The following AGAP1 variants were observed in gnomAD, a reference collection of about 807,000 sequenced individuals.
The protein encoded by AGAP1 is ArfGAP with GTPase domain, ankyrin repeat and PH domain 1.
Under a neutral mutation model 105.3 loss-of-function variants are expected in AGAP1, and 29 were observed. That is an observed-to-expected ratio of 0.28 (90% confidence interval 0.21 to 0.38). AGAP1 has a LOEUF of 0.38. Ranked by LOEUF, AGAP1 falls within the 10% of genes least tolerant of loss-of-function variation. The pLI is 1.00. For missense variants in AGAP1, 998 were observed against 1,165.1 expected (o/e 0.86, Z 2.09); for synonymous variants, 509 against 485.9 (o/e 1.05, Z -0.63).
At chr2:235,829,985 G>C (rs1959202585) in intron 9 of AGAP1, among the ~76,000 whole-genome samples, 1 of 152,172 alleles carries the variant, frequency 6.6e-6, no homozygotes, top group African/African-American at 2.4e-5. Context: ...AAGGAAGACT[G>C]GGGGCACATG....
rs1269389818 is a variant in AGAP1 at position 236,095,512 on chromosome 2, CT to C, written c.2115-24679del. Among the ~76,000 whole-genome samples, 1 of 151,324 alleles carries C rather than the reference CT, an allele frequency of 6.6e-6. No individual in the cohort carries two copies. Among genetic ancestry groups the C allele is most frequent in the Non-Finnish European group, 1.5e-5 (1 of 67,936 alleles). ...TGGGCAACATAGTGAGATGCCATCT[CT>C]ATAAAATAAAAAAAGATTAAAAAAT... On this transcript the variant is annotated intron_variant, in intron 16 of 17. Coordinates refer to ENST00000304032, the MANE Select transcript of AGAP1 (RefSeq NM_001037131.3). This position sits in a 1 kb window ranked among gnomAD's most constrained non-coding sequence, Gnocchi z 4.1.
At chr2:235,938,409 G>C (rs182564005) in intron 12 of AGAP1, among the ~76,000 whole-genome samples, 5 of 152,352 alleles carry the variant, frequency 3.3e-5, no homozygotes, top group Non-Finnish European at 7.3e-5. Flanking sequence ...GTGTCCCCCT[G>C]CTGCGCGTAT....
chr2:235,797,161 G>A (rs1363693895), intron 6 of AGAP1, among the ~76,000 whole-genome samples: 1 of 152,066 alleles, frequency 6.6e-6, no homozygotes, highest in East Asian at 1.9e-4. Context: ...TCTTTCCAAG[G>A]GGTTTGGTTA....
intron 1 of AGAP1, among the ~76,000 whole-genome samples, chr2:235,651,703 G>A (rs549098697): frequency 2.4e-4 from 36 of 152,298 alleles, no homozygotes; most frequent in African/African-American, 8.4e-4. Context: ...GGTGGGAAGG[G>A]AAACCTTTTT....
At chr2:235,826,160 C>T (rs1381738069) in intron 9 of AGAP1, among the ~76,000 whole-genome samples, 5 of 152,216 alleles carry the variant, frequency 3.3e-5, no homozygotes, top group Non-Finnish European at 5.9e-5. Flanking sequence ...AAGGAACACA[C>T]CGTTTGCTTA....
At chr2:235,854,345 C>A (rs1411029624) in intron 9 of AGAP1, among the ~76,000 whole-genome samples, 1 of 152,228 alleles carries the variant, frequency 6.6e-6, no homozygotes, top group African/African-American at 2.4e-5. Flanking sequence ...GTCCTGTTGG[C>A]TCCCTATGGG....
intron 11 of AGAP1, among the ~76,000 whole-genome samples, chr2:235,916,671 G>A (rs550188457): frequency 1.9e-3 from 293 of 152,324 alleles, no homozygotes; most frequent in African/African-American, 6.3e-3. Context: ...GTTCTATGGA[G>A]AAGAACACAC....
At position 235,931,315 on chromosome 2, in the gene AGAP1, G is replaced by A. The variant is rs1313551363; in HGVS notation, c.1483+392G>A. On this transcript the variant is annotated intron_variant, in intron 12 of 17. Transcript: ENST00000304032. This position sits in a 1 kb window ranked among gnomAD's most constrained non-coding sequence, Gnocchi z 5.6. ...CGTGGCCCACACTCTTCCACCACTAGTGCACATTTTATATCATTAGGGTGA... is the reference window on the plus strand; with the variant it reads ...CGTGGCCCACACTCTTCCACCACTAATGCACATTTTATATCATTAGGGTGA... Among the ~76,000 whole-genome samples the A allele has an allele frequency of 6.6e-6, 1 of 152,142 alleles. No individual in the cohort carries two copies. The highest frequency in any genetic ancestry group is 1.9e-4 in the East Asian group (1 of 5,170).
rs1374308288 is a variant in AGAP1 at position 235,965,068 on chromosome 2, C to T, written c.1484-3394C>T. 1.3e-5 allele frequency among the ~76,000 whole-genome samples: 2 copies of T among 152,220 alleles called. No homozygotes were observed. The highest frequency in any genetic ancestry group is 4.8e-5 in the African/African-American group (2 of 41,456). On this transcript the variant is annotated intron_variant, in intron 12 of 17. Transcript: ENST00000304032. This position sits in a 1 kb window ranked among gnomAD's most constrained non-coding sequence, Gnocchi z 5.8. ...GGTCTCAGGACTGCTGGCTACACCT[C>T]GGGTACAGTTAACCAAGGAGGTTTA...
rs1949613839 is a variant in AGAP1 at position 235,689,112 on chromosome 2, GA to G, written c.164-20064del. Among the ~76,000 whole-genome samples the G allele has an allele frequency of 6.6e-6, 1 of 152,240 alleles. No homozygotes were observed. The highest frequency in any genetic ancestry group is 1.5e-5 in the Non-Finnish European group (1 of 68,044). ...GTATACGTATTTATAGAGCAATGAA[GA>G]AATAAGCCCAAGGCTATCCCATGAG... On this transcript the variant is annotated intron_variant, in intron 1 of 17. Coordinates refer to ENST00000304032, the MANE Select transcript of AGAP1 (RefSeq NM_001037131.3). The surrounding 1 kb of genome is among the most constrained non-coding windows in gnomAD (Gnocchi z 4.2).
chr2:235,899,808 C>T (rs996423697), intron 10 of AGAP1, among the ~76,000 whole-genome samples: 3 of 152,130 alleles, frequency 2.0e-5, no homozygotes, highest in Admixed American at 2.0e-4. Flanking sequence ...ATGCATCGTA[C>T]AGGCTAGGTT....
chr2:235,798,320 C>A lies in AGAP1; in HGVS notation c.801+434C>A, dbSNP rs570015753. On this transcript the variant is annotated intron_variant, in intron 7 of 17. Transcript: ENST00000304032. ...GGTCCCATAGAAACTGCTATCTTTCCATAACAACATTTTGCAAAAGTATTT... is the reference window on the plus strand; with the variant it reads ...GGTCCCATAGAAACTGCTATCTTTCAATAACAACATTTTGCAAAAGTATTT... 1.4e-3 allele frequency among the ~76,000 whole-genome samples: 216 copies of A among 152,278 alleles called. 1 individual carries two copies. Among genetic ancestry groups the A allele is most frequent in the African/African-American group, 5.1e-3 (213 of 41,558 alleles).
intron 13 of AGAP1, among the ~76,000 whole-genome samples, chr2:235,990,778 C>T (rs942733046): frequency 2.5e-4 from 38 of 152,138 alleles, no homozygotes; most frequent in African/African-American, 9.2e-4. Flanking sequence ...TCTAGAAGAG[C>T]ATGTGGACTA....
intron 1 of AGAP1, among the ~76,000 whole-genome samples, chr2:235,498,268 TC>T (rs113464501): frequency 9.2e-5 from 14 of 152,220 alleles, no homozygotes; most frequent in East Asian, 1.9e-4. Flanking sequence ...ACAGTTTTTT[TC>T]CCCCAATTTT....
intron 1 of AGAP1, among the ~76,000 whole-genome samples, chr2:235,644,096 G>A (rs1430224679): frequency 6.6e-6 from 1 of 152,216 alleles, no homozygotes; most frequent in Non-Finnish European, 1.5e-5. Context: ...GAAGCAGGGA[G>A]CAGTGGGAGC....
chr2:235,971,763 T>G lies in AGAP1; in HGVS notation c.1645+3140T>G, dbSNP rs1037564221. On this transcript the variant is annotated intron_variant, in intron 13 of 17. Coordinates refer to ENST00000304032, the MANE Select transcript of AGAP1 (RefSeq NM_001037131.3). The surrounding 1 kb of genome is among the most constrained non-coding windows in gnomAD (Gnocchi z 4.8). ...TTATTTTATTTATTTATTTATTTAT[T>G]TATTTATTTATTTATTTATTTATTG... Among the ~76,000 whole-genome samples, 5 of 149,586 alleles carry G rather than the reference T, an allele frequency of 3.3e-5. No individual in the cohort carries two copies. Among genetic ancestry groups the G allele is most frequent in the Non-Finnish European group, 7.4e-5 (5 of 67,554 alleles).
At chr2:235,503,071 T>C (rs1465800746) in intron 1 of AGAP1, among the ~76,000 whole-genome samples, 16 of 152,214 alleles carry the variant, frequency 1.1e-4, no homozygotes, top group Admixed American at 1.0e-3. Context: ...AGACCTACCC[T>C]TTTTTCAGGA....
chr2:235,823,543 G>A (rs1202868892), intron 9 of AGAP1, among the ~76,000 whole-genome samples: 1 of 152,170 alleles, frequency 6.6e-6, no homozygotes, highest in African/African-American at 2.4e-5. Flanking sequence ...GGGAAACTGA[G>A]TCCCAGGAAG....
Position 235,551,505 on chromosome 2 carries a change from C to T in AGAP1, c.163+56656C>T, listed in dbSNP as rs1200116348. ...TGTAGAGACGGGTCGTCCAGTGATA[C>T]TCAGATTGGTCTCTAACTCCTGGGC... is the stretch of plus-strand genomic sequence containing the variant. On this transcript the variant is annotated intron_variant, in intron 1 of 17. Coordinates refer to ENST00000304032, the MANE Select transcript of AGAP1 (RefSeq NM_001037131.3). The surrounding 1 kb of genome is among the most constrained non-coding windows in gnomAD (Gnocchi z 4.8). 6.6e-6 allele frequency among the ~76,000 whole-genome samples: 1 copy of T among 152,182 alleles called. No homozygotes were observed. Among genetic ancestry groups the T allele is most frequent in the East Asian group, 1.9e-4 (1 of 5,136 alleles).
Sources: allele counts gnomAD v4.1 joint callset (sites outside exome capture counted in the v4.1 genomes callset), GRCh38; gene constraint gnomAD v4.1.1; non-coding constraint Gnocchi (gnomAD v3.1); transcripts MANE v1.5; gene names NCBI Gene and HGNC (gene_info 2026-07-23, HGNC 2026-07-21).